SAMD5: variants seen among roughly 807,000 people sequenced by gnomAD.
SAMD5 encodes sterile alpha motif domain containing 5, also known as sterile alpha motif domain-containing protein 5.
Under a neutral mutation model 11.3 loss-of-function variants are expected in SAMD5, and 13 were observed. The observed-to-expected ratio is 1.15, with a 90% CI of 0.75 to 1.83. The LOEUF is 1.83. SAMD5 is among the 40% of genes most tolerant of loss of function. The probability of loss-of-function intolerance (pLI) is 0.00; values close to 1 mark genes in which losing one functional copy is unlikely to be tolerated. For missense variants in SAMD5, 255 were observed against 239.1 expected, an observed-to-expected ratio of 1.07 and a Z score of -0.44; for synonymous variants, 129 against 111.3, an observed-to-expected ratio of 1.16 and a Z score of -1.00.
intron 1 of SAMD5, among the ~76,000 whole-genome samples, chr6:147,622,084 C>G (rs1391165480): frequency 1.3e-5 from 2 of 152,192 alleles, no homozygotes; most frequent in Non-Finnish European, 2.9e-5. Context: ...TTCAGAGTCT[C>G]TCTCACCAGC....
At chr6:147,562,053 G>C (rs1219631196) in intron 1 of SAMD5, among the ~76,000 whole-genome samples, 1 of 152,154 alleles carries the variant, frequency 6.6e-6, no homozygotes, top group Non-Finnish European at 1.5e-5. Context: ...AATGTGATTT[G>C]TTTTTGTGGA....
the SAMD5 span, among the ~76,000 whole-genome samples, chr6:147,868,032 G>A: frequency 2.0e-5 from 3 of 152,118 alleles, no homozygotes; most frequent in Non-Finnish European, 4.4e-5. Flanking sequence ...GTTGCAAGAG[G>A]GTTGGAGGGA....
chr6:147,631,617 A>G (rs1271301350), intron 1 of SAMD5, among the ~76,000 whole-genome samples: 2 of 152,212 alleles, frequency 1.3e-5, no homozygotes, highest in Non-Finnish European at 2.9e-5. Context: ...TATATCTGAC[A>G]GAAGGGAAGA....
chr6:147,525,703 C>T (rs773805466), intron 1 of SAMD5, among the ~76,000 whole-genome samples: 1 of 152,028 alleles, frequency 6.6e-6, no homozygotes, highest in Non-Finnish European at 1.5e-5. Flanking sequence ...GAAATCAACA[C>T]CTATGTCACA....
chr6:147,717,644 G>T (rs75815829), intron 1 of SAMD5, among the ~76,000 whole-genome samples: 5 of 152,006 alleles, frequency 3.3e-5, no homozygotes, highest in African/African-American at 4.8e-5. Flanking sequence ...ACTGTCTTCC[G>T]CAAGACCAGC....
chr6:147,921,350 ACCAAAGGAGAG>A, the SAMD5 span, among the ~76,000 whole-genome samples: 1 of 151,742 alleles, frequency 6.6e-6, no homozygotes, highest in Admixed American at 6.6e-5. Flanking sequence ...GGTAAGTCTT[ACCAAAGGAGAG>A]CCAAGGAAAC....
At chr6:147,848,401 G>A in the SAMD5 span, among the ~76,000 whole-genome samples, 2 of 152,162 alleles carry the variant, frequency 1.3e-5, no homozygotes, top group African/African-American at 2.4e-5. Context: ...CAGTGATAGC[G>A]AATGTTTACT....
chr6:147,874,143 G>T, the SAMD5 span, among the ~76,000 whole-genome samples: 1 of 152,166 alleles, frequency 6.6e-6, no homozygotes, highest in East Asian at 1.9e-4. Context: ...AGAATAGAAG[G>T]CTTTTTCCTA....
chr6:147,541,239 G>A (rs1008261030), intron 1 of SAMD5, among the ~76,000 whole-genome samples: 17 of 152,144 alleles, frequency 1.1e-4, no homozygotes, highest in Non-Finnish European at 2.1e-4. Context: ...CGTAAGCCAC[G>A]ACACCAGGCC....
chr6:147,633,780 G>T (rs906947528), intron 1 of SAMD5, among the ~76,000 whole-genome samples: 1 of 148,876 alleles, frequency 6.7e-6, no homozygotes, highest in Non-Finnish European at 1.5e-5. Flanking sequence ...TTTTGTGTGT[G>T]TGTGTTCAAA....
At chr6:147,669,749 T>C (rs1790771780) in intron 1 of SAMD5, among the ~76,000 whole-genome samples, 1 of 152,100 alleles carries the variant, frequency 6.6e-6, no homozygotes, top group Admixed American at 6.5e-5. Flanking sequence ...CTTCTAATTC[T>C]AGTTCTCTTG....
At chr6:147,689,127 G>A (rs1791063256) in intron 1 of SAMD5, among the ~76,000 whole-genome samples, 1 of 152,120 alleles carries the variant, frequency 6.6e-6, no homozygotes, top group African/African-American at 2.4e-5. Context: ...GAAAGTCCTA[G>A]AAAGTTTTAA....
the SAMD5 span, among the ~76,000 whole-genome samples, chr6:147,878,864 C>T: frequency 6.6e-6 from 1 of 151,996 alleles, no homozygotes; most frequent in Admixed American, 6.6e-5. Flanking sequence ...ACGCCATTCT[C>T]CTGCCTCATC....
Position 147,509,321 on chromosome 6 carries a change from G to T in SAMD5, c.393G>T (p.Lys131Asn), listed in dbSNP as rs140526414. The change falls in exon 1 of 2, where the codon AAG (lysine) becomes AAT (asparagine). Residue 131 changes from lysine to asparagine, a missense_variant. Transcript: ENST00000367474. ...TGAGCTACCCCAAACTGAAGCTGAA[G>T]ATCATGATCAGGGATAAGCTCGTCC... ...ELVSYPKLKL[K>N]IMIRDKLVRD... 6.7e-4 allele frequency: 1,059 copies of T among 1,582,326 alleles called. No individual in the cohort carries two copies. Among genetic ancestry groups the T allele is most frequent in the Non-Finnish European group, 8.4e-4 (974 of 1,166,218 alleles).
At chr6:147,721,854 ATGT>A (rs1308847730) in intron 1 of SAMD5, among the ~76,000 whole-genome samples, 4 of 152,154 alleles carry the variant, frequency 2.6e-5, no homozygotes, top group Non-Finnish European at 5.9e-5. Flanking sequence ...TCATAGTTTA[ATGT>A]TGTTTTGGGT....
chr6:147,514,117 G>C (rs1788129400), intron 1 of SAMD5, among the ~76,000 whole-genome samples: 1 of 152,124 alleles, frequency 6.6e-6, no homozygotes, highest in African/African-American at 2.4e-5. Flanking sequence ...CAGAGAAAAG[G>C]AGATGTTGGG....
At chr6:147,526,819 G>GACAGTAGTTACCTGGTAT (rs144451313) in intron 1 of SAMD5, among the ~76,000 whole-genome samples, 7,819 of 152,312 alleles carry the variant, frequency 0.051, 210 homozygotes, top group Non-Finnish European at 0.056. Flanking sequence ...TGGGATGGGA[G>GACAGTAGTTACCTGGTAT]AAATGAAGCA....
chr6:147,696,428 T>C lies in SAMD5; in HGVS notation c.163-40889T>C, dbSNP rs79434278. ...CATCCTGGAGTAACACATAGGTCAC[T>C]AAGGTCTCAGGCAGTCATCCTGGGC... On this transcript the variant is annotated intron_variant, in intron 1 of 1. Transcript: ENST00000566741. Among the ~76,000 whole-genome samples, 193 of 152,316 alleles carry C rather than the reference T, an allele frequency of 1.3e-3. 2 individuals carry two copies. Among genetic ancestry groups the C allele is most frequent in the Non-Finnish European group, 2.2e-3 (147 of 68,028 alleles).
intron 1 of SAMD5, among the ~76,000 whole-genome samples, chr6:147,615,618 ACTCATTTATAAAAGCC>A (rs1789855072): frequency 6.6e-6 from 1 of 152,190 alleles, no homozygotes; most frequent in Non-Finnish European, 1.5e-5. Flanking sequence ...ATGGTTGCGA[ACTCATTTATAAAAGCC>A]CTCCAGAAAT....
Sources: gnomAD v4.1 joint callset for allele counts (sites outside exome capture counted in the v4.1 genomes callset) on GRCh38, gnomAD v4.1.1 for gene constraint, MANE v1.5 for transcripts, NCBI Gene and HGNC (gene_info 2026-07-23, HGNC 2026-07-21) for gene names.